NKAIN2: variants seen among roughly 807,000 people sequenced by gnomAD.
NKAIN2 encodes sodium/potassium transporting ATPase interacting 2.
In NKAIN2, 14 loss-of-function variants were observed where a neutral mutation model predicts 32.6. The ratio of observed to expected loss-of-function variants is 0.43; its 90% CI spans 0.28 to 0.67. The LOEUF (loss-of-function observed/expected upper bound fraction) is 0.67. Among genes scored for constraint, NKAIN2 ranks in the 30% least tolerant of loss-of-function variants. The probability of loss-of-function intolerance (pLI) is 0.17; values close to 1 mark genes in which losing one functional copy is unlikely to be tolerated. For synonymous variants in NKAIN2, 80 were observed against 87.2 expected (o/e 0.92, Z 0.46); for missense variants, 198 against 258.3 (o/e 0.77, Z 1.60).
intron 3 of NKAIN2, among the ~76,000 whole-genome samples, chr6:124,370,311 C>T (rs1435717352): frequency 6.6e-6 from 1 of 151,682 alleles, no homozygotes; most frequent in Non-Finnish European, 1.5e-5. Context: ...ACTTCTCTTC[C>T]GCCTCTTTAT....
At chr6:124,574,682 A>G (rs1209376631) in intron 3 of NKAIN2, among the ~76,000 whole-genome samples, 2 of 152,082 alleles carry the variant, frequency 1.3e-5, no homozygotes, top group Non-Finnish European at 2.9e-5. Flanking sequence ...TGGCAAATCT[A>G]TGGACTTCAG....
In NKAIN2 at chr6:124,442,656, A is replaced by G. The variant is rs556905727; in HGVS notation, c.273+87309A>G. On this transcript the variant is annotated intron_variant, in intron 3 of 6. Coordinates refer to ENST00000368417, the MANE Select transcript of NKAIN2 (RefSeq NM_001040214.3). Reference sequence around the variant, plus strand: ...AATTATGATGCAGTAGTTCTGATAGACACTAGATTATAATGGGTAGTTCTG... The same window carrying G: ...AATTATGATGCAGTAGTTCTGATAGGCACTAGATTATAATGGGTAGTTCTG... Among the ~76,000 whole-genome samples the G allele has an allele frequency of 1.4e-3, 213 of 152,172 alleles. 1 individual carries two copies. Among genetic ancestry groups the G allele is most frequent in the Middle Eastern group, 6.8e-3 (2 of 294 alleles).
chr6:123,965,436 A>G (rs1778025624), intron 1 of NKAIN2, among the ~76,000 whole-genome samples: 1 of 152,114 alleles, frequency 6.6e-6, no homozygotes, highest in African/African-American at 2.4e-5. Flanking sequence ...CTATCATGTT[A>G]ATCCCCCTCT....
intron 1 of NKAIN2, among the ~76,000 whole-genome samples, chr6:123,854,224 CT>C (rs1442348176): frequency 6.6e-6 from 1 of 152,140 alleles, no homozygotes; most frequent in African/African-American, 2.4e-5. Flanking sequence ...CTTTTTCATG[CT>C]GTACAAAATC....
intron 1 of NKAIN2, among the ~76,000 whole-genome samples, chr6:123,837,009 C>T (rs1052491629): frequency 3.9e-5 from 6 of 151,966 alleles, no homozygotes; most frequent in Admixed American, 6.6e-5. Flanking sequence ...TACATAAATC[C>T]GAGGTGTTTG....
chr6:124,704,412 A>G (rs930169461), intron 4 of NKAIN2, among the ~76,000 whole-genome samples: 8 of 152,048 alleles, frequency 5.3e-5, no homozygotes, highest in African/African-American at 1.7e-4. Flanking sequence ...CAGGGTTACA[A>G]TTAAAATCCC....
intron 3 of NKAIN2, among the ~76,000 whole-genome samples, chr6:124,381,017 G>A (rs1013392178): frequency 6.6e-6 from 1 of 152,140 alleles, no homozygotes; most frequent in African/African-American, 2.4e-5. Context: ...GAAGGACTAC[G>A]AAATTGCTCT....
intron 1 of NKAIN2, among the ~76,000 whole-genome samples, chr6:123,875,181 C>T (rs985068436): frequency 2.0e-5 from 3 of 151,826 alleles, no homozygotes; most frequent in Admixed American, 6.6e-5. Flanking sequence ...AACACTGAAA[C>T]GAATAGTTTT....
At chr6:124,710,080 T>C (rs575755950) in intron 4 of NKAIN2, among the ~76,000 whole-genome samples, 26 of 151,848 alleles carry the variant, frequency 1.7e-4, no homozygotes, top group African/African-American at 3.4e-4. Flanking sequence ...GCCTTCATTT[T>C]GTTATGTACC....
rs191324732 is a variant in NKAIN2 at position 124,073,995 on chromosome 6, A to C, written c.55-209010A>C. Reference sequence around the variant, plus strand: ...TAGGCAGACATAGGATTCAGCATTTAATTGTACTCACAGTTTCATGGCTAT... The same window carrying C: ...TAGGCAGACATAGGATTCAGCATTTCATTGTACTCACAGTTTCATGGCTAT... On this transcript the variant is annotated intron_variant, in intron 1 of 6. Coordinates refer to ENST00000368417, the MANE Select transcript of NKAIN2 (RefSeq NM_001040214.3). 2.2e-3 allele frequency among the ~76,000 whole-genome samples: 335 copies of C among 152,304 alleles called. 1 individual carries two copies. The highest frequency in any genetic ancestry group is 6.3e-3 in the African/African-American group (260 of 41,566).
intron 1 of NKAIN2, among the ~76,000 whole-genome samples, chr6:124,171,903 A>G (rs1193529298): frequency 7.0e-6 from 1 of 142,958 alleles, no homozygotes; most frequent in African/African-American, 2.6e-5. Flanking sequence ...ATGGAGTACA[A>G]TGGCATGATC....
At chr6:123,893,268 A>T (rs1182835496) in intron 1 of NKAIN2, among the ~76,000 whole-genome samples, 2 of 152,284 alleles carry the variant, frequency 1.3e-5, no homozygotes, top group South Asian at 2.1e-4. Context: ...TGGTGGGATC[A>T]TATTTCATTG....
chr6:123,895,220 A>AAC (rs900144957), intron 1 of NKAIN2, among the ~76,000 whole-genome samples: 22 of 151,174 alleles, frequency 1.5e-4, no homozygotes, highest in African/African-American at 5.1e-4. Context: ...CACACACAAG[A>AAC]ACACACACAC....
intron 2 of NKAIN2, among the ~76,000 whole-genome samples, chr6:124,320,289 A>T (rs1268181522): frequency 6.6e-6 from 1 of 152,184 alleles, no homozygotes; most frequent in Admixed American, 6.6e-5. Context: ...TAATGTTGTA[A>T]GAAATGCACT....
At chr6:124,467,223 A>T (rs2114663511) in intron 3 of NKAIN2, among the ~76,000 whole-genome samples, 2 of 152,252 alleles carry the variant, frequency 1.3e-5, no homozygotes, top group East Asian at 3.9e-4. Context: ...CTTCACAATA[A>T]GCAACCTATG....
intron 1 of NKAIN2, among the ~76,000 whole-genome samples, chr6:124,192,906 C>G (rs530214320): frequency 2.0e-5 from 3 of 151,932 alleles, no homozygotes; most frequent in African/African-American, 4.8e-5. Flanking sequence ...CCCGCCACCG[C>G]GCGCAGCTAC....
chr6:124,271,278 A>G (rs1020816629), intron 1 of NKAIN2, among the ~76,000 whole-genome samples: 2 of 151,926 alleles, frequency 1.3e-5, no homozygotes, highest in Non-Finnish European at 2.9e-5. Flanking sequence ...GTGCAGTGGC[A>G]CGATCTCGGC....
intron 1 of NKAIN2, among the ~76,000 whole-genome samples, chr6:123,825,464 C>T (rs1358018979): frequency 6.6e-6 from 1 of 152,102 alleles, no homozygotes; most frequent in Non-Finnish European, 1.5e-5. Context: ...ATTTGGAACA[C>T]AAAGATATGT....
intron 3 of NKAIN2, among the ~76,000 whole-genome samples, chr6:124,402,047 T>C (rs1199896708): frequency 6.6e-6 from 1 of 152,138 alleles, no homozygotes; most frequent in Non-Finnish European, 1.5e-5. Flanking sequence ...CAGGGGACAT[T>C]TGTTAATGTC....
Sources: gnomAD v4.1 joint callset for allele counts (sites outside exome capture counted in the v4.1 genomes callset) on GRCh38, gnomAD v4.1.1 for gene constraint, MANE v1.5 for transcripts, NCBI Gene and HGNC (gene_info 2026-07-23, HGNC 2026-07-21) for gene names.